SVIL: variants seen among roughly 807,000 people sequenced by gnomAD.
SVIL encodes the protein supervillin.
A neutral mutation model predicts 240.4 loss-of-function variants in SVIL; 101 were observed. The ratio of observed to expected loss-of-function variants is 0.42; its 90% CI spans 0.36 to 0.50. The LOEUF is 0.50. Ranked by LOEUF, SVIL falls within the 20% of genes least tolerant of loss-of-function variation. SVIL has a pLI of 0.01. For synonymous variants in SVIL, 999 were observed against 1,100.0 expected (o/e 0.91, Z 1.82); for missense variants, 2,512 against 2,818.7 (o/e 0.89, Z 2.46).
At position 29,544,644 on chromosome 10, in the gene SVIL, A is replaced by G. The variant is rs908995453; in HGVS notation, c.827+5953T>C. Among the ~76,000 whole-genome samples, 4 of 151,624 alleles carry G rather than the reference A, an allele frequency of 2.6e-5. No homozygotes were observed. The South Asian group carries it at 8.3e-4, about 32-fold the overall frequency. ...AGTGGCGTGCATCTGTTAAGTCCCA[A>G]CTACTCAGAAGGCTGAGGCAGGAGG... On this transcript the variant is annotated intron_variant, in intron 6 of 37. Coordinates refer to ENST00000355867, the MANE Select transcript of SVIL (RefSeq NM_021738.3).
At chr10:29,699,639 G>A (rs1629457) in intron 1 of SVIL, among the ~76,000 whole-genome samples, 69,558 of 152,078 alleles carry the variant, frequency 0.46, 16,415 homozygotes, top group East Asian at 0.67. Context: ...CTCAGGACAC[G>A]CTGAAGCCAT....
intron 1 of SVIL, among the ~76,000 whole-genome samples, chr10:29,604,293 G>C (rs1281720663): frequency 6.7e-6 from 1 of 148,572 alleles, no homozygotes; most frequent in Non-Finnish European, 1.5e-5. Flanking sequence ...TCCACCTCCC[G>C]GGTTCAAGCA....
intron 1 of SVIL, among the ~76,000 whole-genome samples, chr10:29,606,300 C>T (rs10826670): frequency 0.11 from 16,943 of 152,150 alleles, 1,033 homozygotes; most frequent in African/African-American, 0.15. Flanking sequence ...CCGCCTCAGC[C>T]TCCCAAAGTG....
chr10:29,507,597 C>CCCCA (rs1491174436), intron 17 of SVIL: 2 of 166,198 alleles, frequency 1.2e-5, no homozygotes, highest in African/African-American at 4.9e-5. Context: ...AATTGTACTG[C>CCCCA]CACACACACA....
chr10:29,570,593 G>A (rs780901900), intron 1 of SVIL, among the ~76,000 whole-genome samples: 4 of 152,162 alleles, frequency 2.6e-5, no homozygotes, highest in Non-Finnish European at 5.9e-5. Context: ...ATAAAAAGAC[G>A]CTACTCACCA....
At chr10:29,710,628 G>GA (rs1220062930) in intron 1 of SVIL, among the ~76,000 whole-genome samples, 1 of 151,930 alleles carries the variant, frequency 6.6e-6, no homozygotes, top group Non-Finnish European at 1.5e-5. Context: ...TTTCAAAAAG[G>GA]AAAAAAGAGT....
intron 29 of SVIL, among the ~76,000 whole-genome samples, chr10:29,477,692 C>T (rs971897032): frequency 1.3e-5 from 2 of 152,232 alleles, no homozygotes; most frequent in African/African-American, 4.8e-5. Context: ...TGCTTCCCCC[C>T]TGCTGGAGGG....
intron 28 of SVIL, among the ~76,000 whole-genome samples, chr10:29,481,220 T>C (rs1946812288): frequency 6.6e-6 from 1 of 151,814 alleles, no homozygotes; most frequent in Non-Finnish European, 1.5e-5. Flanking sequence ...AAAAGTATTT[T>C]AGTTGACACA....
upstream of SVIL, among the ~76,000 whole-genome samples, chr10:29,636,294 A>G (rs1694463656): frequency 6.6e-6 from 1 of 152,190 alleles, no homozygotes; most frequent in African/African-American, 2.4e-5. Flanking sequence ...TCCCTAGAGA[A>G]AAGTAGGGCA....
In SVIL at chr10:29,714,074, T is replaced by C. The variant is rs537798657; in HGVS notation, c.-400+21677A>G. ...GTCATCATCTAATTCCTACCTTGTATAGACAGAAAAATGAGGTTTAGAGAG... is the reference window on the plus strand; with the variant it reads ...GTCATCATCTAATTCCTACCTTGTACAGACAGAAAAATGAGGTTTAGAGAG... On this transcript the variant is annotated intron_variant, in intron 1 of 35. Transcript: ENST00000375400. Among the ~76,000 whole-genome samples the C allele has an allele frequency of 2.6e-5, 4 of 152,296 alleles. No individual in the cohort carries two copies. In the South Asian group the frequency reaches 8.3e-4, roughly 32 times the overall value.
intron 1 of SVIL, among the ~76,000 whole-genome samples, chr10:29,687,848 T>C (rs1290151916): frequency 6.6e-6 from 1 of 152,236 alleles, no homozygotes; most frequent in Non-Finnish European, 1.5e-5. Flanking sequence ...ATTATGCCCT[T>C]AAGATGGCTT....
At chr10:29,708,002 A>G (rs1450652354) in intron 1 of SVIL, among the ~76,000 whole-genome samples, 1 of 152,206 alleles carries the variant, frequency 6.6e-6, no homozygotes, top group East Asian at 1.9e-4. Context: ...TCACGCCTGT[A>G]ATCCCAGCAC....
chr10:29,470,008 G>T (rs1945373913), intron 32 of SVIL, among the ~76,000 whole-genome samples: 1 of 152,210 alleles, frequency 6.6e-6, no homozygotes, highest in Non-Finnish European at 1.5e-5. Flanking sequence ...AACCCAGAGT[G>T]CTTCCAAGAG....
chr10:29,600,614 TAA>T (rs1355460815), intron 1 of SVIL, among the ~76,000 whole-genome samples: 5 of 152,210 alleles, frequency 3.3e-5, no homozygotes, highest in African/African-American at 1.2e-4. Context: ...ATTTACATAG[TAA>T]AGTTTGTCAC....
intron 26 of SVIL, among the ~76,000 whole-genome samples, chr10:29,485,092 G>A (rs1200531729): frequency 1.3e-5 from 2 of 151,816 alleles, no homozygotes; most frequent in Admixed American, 6.6e-5. Context: ...CTCTCAACCT[G>A]CTTACAACTT....
intron 1 of SVIL, among the ~76,000 whole-genome samples, chr10:29,590,826 C>G (rs1386077848): frequency 3.3e-5 from 5 of 152,162 alleles, no homozygotes. Flanking sequence ...TTTGAAAAAA[C>G]TTAAAAACTT....
chr10:29,499,375 A>T, intron 17 of SVIL, 112 bp from the exon 18 acceptor site: 1 of 1,377,754 alleles, frequency 7.3e-7, no homozygotes, highest in Non-Finnish European at 1.0e-6. Context: ...AGGAGTAAGT[A>T]TATTGTCCAA....
At chr10:29,570,425 C>T (rs1955338129) in intron 1 of SVIL, among the ~76,000 whole-genome samples, 1 of 152,182 alleles carries the variant, frequency 6.6e-6, no homozygotes, top group South Asian at 2.1e-4. Flanking sequence ...AAATATGATA[C>T]TCAAAATAAC....
Position 29,524,342 on chromosome 10 carries a change from C to T in SVIL, c.2586+130G>A. The T allele has an allele frequency of 2.1e-6, 3 of 1,414,282 alleles. No homozygotes were observed. In the South Asian group the frequency reaches 4.2e-5, roughly 20 times the overall value. 87.6% of individuals were successfully genotyped at this position (1,414,282 alleles called of 1,614,324 possible). ...CTCATTTTTAGGAAGAAAGCTATTACCAAATCACCTACAGGTAGCAGTTTC... is the reference window on the plus strand; with the variant it reads ...CTCATTTTTAGGAAGAAAGCTATTATCAAATCACCTACAGGTAGCAGTTTC... On this transcript the variant is annotated intron_variant, in intron 14 of 37. Transcript: ENST00000355867.
Sources: allele counts gnomAD v4.1 joint callset (sites outside exome capture counted in the v4.1 genomes callset), GRCh38; gene constraint gnomAD v4.1.1; transcripts MANE v1.5; gene names NCBI Gene and HGNC (gene_info 2026-07-23, HGNC 2026-07-21).